Variants in TENM2 observed in about 807,000 individuals in gnomAD.
TENM2 encodes the protein teneurin transmembrane protein 2.
In TENM2, 52 loss-of-function variants were observed where a neutral mutation model predicts 245.2. The observed-to-expected ratio is 0.21, with a 90% CI of 0.17 to 0.27. The LOEUF (loss-of-function observed/expected upper bound fraction) is 0.27. TENM2 is among the 10% of genes least tolerant of loss of function. The pLI is 1.00. For missense variants in TENM2, 3,046 were observed against 3,666.8 expected (o/e 0.83, Z 4.37); for synonymous variants, 1,363 against 1,438.9 (o/e 0.95, Z 1.19).
chr5:167,673,153 C>T (rs540739468), intron 2 of TENM2, among the ~76,000 whole-genome samples: 3 of 152,034 alleles, frequency 2.0e-5, no homozygotes, highest in African/African-American at 7.2e-5. Flanking sequence ...TTTCTATACA[C>T]GTACCTGTAG....
intron 2 of TENM2, among the ~76,000 whole-genome samples, chr5:167,401,977 C>T (rs1186016536): frequency 6.6e-6 from 1 of 152,132 alleles, no homozygotes; most frequent in East Asian, 1.9e-4. Context: ...TTTAATGGCC[C>T]TTCCCTCCTT....
At chr5:167,899,299 G>A (rs1775498593) in intron 3 of TENM2, among the ~76,000 whole-genome samples, 1 of 152,138 alleles carries the variant, frequency 6.6e-6, no homozygotes, top group African/African-American at 2.4e-5. Context: ...GAGTAGGTTG[G>A]GGGATGGGTG....
intron 2 of TENM2, among the ~76,000 whole-genome samples, chr5:167,631,077 C>T (rs886782063): frequency 1.3e-5 from 2 of 152,078 alleles, no homozygotes; most frequent in East Asian, 3.9e-4. Context: ...GCCTTTGGGC[C>T]TGCCACAGCT....
intron 6 of TENM2, among the ~76,000 whole-genome samples, chr5:168,054,362 A>ATC (rs1789362027): frequency 1.3e-5 from 2 of 152,230 alleles, no homozygotes; most frequent in South Asian, 4.1e-4. Context: ...CCTTGGAAGA[A>ATC]TCTTTTCACT....
Position 167,864,902 on chromosome 5 carries a change from C to A in TENM2, c.503-11084C>A, listed in dbSNP as rs549980837. On this transcript the variant is annotated intron_variant, in intron 2 of 28. Transcript: ENST00000518659. ...TTGGCAATATTATTGTTTCTATATA[C>A]CAGGAACCGCAAGAAGTGAACATAA... is the stretch of plus-strand genomic sequence containing the variant. Among the ~76,000 whole-genome samples, 15 of 152,268 alleles carry A rather than the reference C, an allele frequency of 9.9e-5. No homozygotes were observed. The South Asian group carries it at 3.1e-3, about 32-fold the overall frequency.
At chr5:167,501,672 C>A (rs1769223705) in intron 2 of TENM2, among the ~76,000 whole-genome samples, 1 of 152,112 alleles carries the variant, frequency 6.6e-6, no homozygotes, top group African/African-American at 2.4e-5. Flanking sequence ...TCTCTAGTTG[C>A]CCTGAATCAG....
intron 2 of TENM2, among the ~76,000 whole-genome samples, chr5:167,436,094 T>C (rs1764541737): frequency 6.8e-6 from 1 of 147,508 alleles, no homozygotes; most frequent in Admixed American, 6.9e-5. Flanking sequence ...TTCTCCTGCC[T>C]CAGCCTCCCG....
At chr5:168,240,372 A>G (rs1765973492) in intron 25 of TENM2, among the ~76,000 whole-genome samples, 1 of 152,212 alleles carries the variant, frequency 6.6e-6, no homozygotes, top group Non-Finnish European at 1.5e-5. Flanking sequence ...AACACCCCTC[A>G]ATCCTAGAGG....
the TENM2 span, among the ~76,000 whole-genome samples, chr5:167,258,157 T>C: frequency 6.7e-6 from 1 of 149,848 alleles, no homozygotes; most frequent in African/African-American, 2.5e-5. Flanking sequence ...AATTTGAAGA[T>C]ATTATATTTT....
chr5:167,172,079 C>A, the TENM2 span, among the ~76,000 whole-genome samples: 418 of 152,276 alleles, frequency 2.7e-3, 1 homozygote, highest in Middle Eastern at 0.01. Flanking sequence ...GAAGTCTTAA[C>A]AAGCCATCGT....
At chr5:167,032,544 A>G in the TENM2 span, among the ~76,000 whole-genome samples, 1 of 152,206 alleles carries the variant, frequency 6.6e-6, no homozygotes, top group African/African-American at 2.4e-5. Flanking sequence ...CTTCTTGAAC[A>G]CAGCTATGAA....
chr5:167,408,379 C>G (rs1762739994), intron 2 of TENM2, among the ~76,000 whole-genome samples: 1 of 152,084 alleles, frequency 6.6e-6, no homozygotes, highest in African/African-American at 2.4e-5. Context: ...ATCTCTTTGG[C>G]AAGAAGCTCT....
intron 2 of TENM2, among the ~76,000 whole-genome samples, chr5:167,425,348 T>C (rs540137416): frequency 6.6e-6 from 1 of 152,270 alleles, no homozygotes; most frequent in East Asian, 1.9e-4. Flanking sequence ...ACAAGTATCT[T>C]GACCTTCTGG....
rs1220186927 is a variant in TENM2 at position 168,158,848 on chromosome 5, TATAC to T, written c.2423-3761_2423-3758del. On this transcript the variant is annotated intron_variant, in intron 12 of 28. Transcript: ENST00000518659. ...GTGTGTGTATATATATATATATATA[TATAC>T]ACACACACACACACACATATATATG... is the stretch of plus-strand genomic sequence containing the variant. Among the ~76,000 whole-genome samples, 141 of 58,700 alleles carry T rather than the reference TATAC, an allele frequency of 2.4e-3. 1 individual carries two copies. The highest frequency in any genetic ancestry group is 0.016 in the Middle Eastern group (2 of 124). 38.5% of individuals were successfully genotyped at this position (58,700 alleles called of 152,430 possible).
intron 2 of TENM2, among the ~76,000 whole-genome samples, chr5:167,396,679 A>G (rs982329514): frequency 2.6e-5 from 4 of 152,154 alleles, no homozygotes; most frequent in Non-Finnish European, 4.4e-5. Flanking sequence ...AACTGCCACC[A>G]CCTGTAACTA....
intron 6 of TENM2, among the ~76,000 whole-genome samples, chr5:168,055,171 T>C (rs1030449839): frequency 6.6e-6 from 1 of 152,142 alleles, no homozygotes; most frequent in Non-Finnish European, 1.5e-5. Flanking sequence ...AGTGAATTCA[T>C]AGGACGCTGG....
At position 167,811,801 on chromosome 5, in the gene TENM2, T is replaced by C. The variant is rs79181091; in HGVS notation, c.503-64185T>C. Among the ~76,000 whole-genome samples the C allele has an allele frequency of 3.9e-3, 597 of 152,268 alleles. 11 individuals are homozygous for C. Among genetic ancestry groups the C allele is most frequent in the African/African-American group, 0.014 (569 of 41,578 alleles). ...CCAGTAATGGAATACTAGGCATATA[T>C]GGGTTAATAGGGGTTTAAGAGAGAT... On this transcript the variant is annotated intron_variant, in intron 2 of 28. Coordinates refer to ENST00000518659, the Ensembl canonical transcript of TENM2.
chr5:168,097,976 G>T (rs767979571), intron 8 of TENM2, 50 bp from the exon 11 acceptor site: 2 of 1,396,724 alleles, frequency 1.4e-6, no homozygotes, highest in Non-Finnish European at 2.0e-6. Flanking sequence ...TTAAATTACT[G>T]CACCAGTAGA....
rs1280407482 is a variant in TENM2 at position 168,218,497 on chromosome 5, G to A, written c.4606G>A (p.Ala1536Thr). 1.9e-6 allele frequency: 3 copies of A among 1,613,938 alleles called. No individual in the cohort carries two copies. The East Asian group carries it at 6.7e-5, about 36-fold the overall frequency. The change falls in exon 23 of 29, where the codon GCC (alanine) becomes ACC (threonine). Residue 1536 changes from alanine to threonine, a missense_variant. This residue lies in a region of TENM2 where 2,704 missense variants were observed against 3,331.9 expected (regional missense o/e 0.81). Coordinates refer to ENST00000518659, the Ensembl canonical transcript of TENM2. This position sits in a 1 kb window ranked among gnomAD's most constrained non-coding sequence, Gnocchi z 5.2. The stretch of plus-strand genomic sequence containing the variant: ...TTGCAACTGCTATTCAGGAGATGAT[G>A]CCTACGCGACTGATGCCATCTTGAA...
Sources: gnomAD v4.1 joint callset for allele counts (sites outside exome capture counted in the v4.1 genomes callset) on GRCh38, gnomAD v4.1.1 for gene constraint, gnomAD v4.1.1 regional missense constraint, Gnocchi (gnomAD v3.1) non-coding constraint, MANE v1.5 for transcripts, NCBI Gene and HGNC (gene_info 2026-07-23, HGNC 2026-07-21) for gene names.